The following MRC2 variants were observed in gnomAD, a reference collection of about 807,000 sequenced individuals.
MRC2 encodes the protein C-type mannose receptor 2.
Under a neutral mutation model 206.2 loss-of-function variants are expected in MRC2, and 84 were observed. The ratio of observed to expected loss-of-function variants is 0.41; its 90% CI spans 0.34 to 0.49. MRC2 has a LOEUF of 0.49. Ranked by LOEUF, MRC2 falls within the 20% of genes least tolerant of loss-of-function variation. The pLI is 0.31. For missense variants in MRC2, 1,676 were observed against 2,001.5 expected, an observed-to-expected ratio of 0.84 and a Z score of 3.10; for synonymous variants, 798 against 800.0, an observed-to-expected ratio of 1.00 and a Z score of 0.04.
intron 1 of MRC2, among the ~76,000 whole-genome samples, chr17:62,657,437 A>G (rs1453632224): frequency 6.6e-6 from 1 of 152,208 alleles, no homozygotes; most frequent in Non-Finnish European, 1.5e-5. Context: ...CCATTTACTC[A>G]GTAAGAACAT....
chr17:62,678,046 T>C (rs2088916398), intron 12 of MRC2, among the ~76,000 whole-genome samples: 1 of 152,076 alleles, frequency 6.6e-6, no homozygotes, highest in Admixed American at 6.6e-5. Context: ...CGAGACTCCG[T>C]CTCAAAAATA....
chr17:62,679,442 C>T (rs1004998836), intron 13 of MRC2: 2 of 176,822 alleles, frequency 1.1e-5, no homozygotes, highest in Admixed American at 5.4e-5. Context: ...TTATTTAACT[C>T]CAGAGCCGTA....
chr17:62,646,371 G>T (rs1179833780), intron 1 of MRC2, among the ~76,000 whole-genome samples: 1 of 151,940 alleles, frequency 6.6e-6, no homozygotes, highest in African/African-American at 2.4e-5. Flanking sequence ...TGTTGCCCAG[G>T]CTGGTCTTGA....
chr17:62,679,717 C>G, intron 13 of MRC2, 83 bp from the exon 14 acceptor site: 1 of 1,355,018 alleles, frequency 7.4e-7, no homozygotes, highest in Non-Finnish European at 1.0e-6. Flanking sequence ...CCGGTCACAG[C>G]TGCAAGGGAC....
At position 62,667,245 on chromosome 17, in the gene MRC2, CG is replaced by C; in HGVS notation, c.974-143del. 1 of 1,075,324 alleles carries C rather than the reference CG, an allele frequency of 9.3e-7. No individual in the cohort carries two copies. Among genetic ancestry groups the C allele is most frequent in the Non-Finnish European group, 1.3e-6 (1 of 770,974 alleles). The allele number at this position is 1,075,324 out of a possible 1,614,324, so 66.6% of individuals were successfully genotyped here. ...GCGCGGAGGACCCCGTGGTCTGGGG[CG>C]GAGCTGGAGCTGAGCACCAGGCTTC... is the stretch of plus-strand genomic sequence containing the variant. On this transcript the variant is annotated intron_variant, in intron 5 of 29. Transcript: ENST00000303375. This position sits in a 1 kb window ranked among gnomAD's most constrained non-coding sequence, Gnocchi z 4.1.
Position 62,664,023 on chromosome 17 carries a change from G to A in MRC2, c.119-525G>A, listed in dbSNP as rs1414392347. 6.7e-6 allele frequency among the ~76,000 whole-genome samples: 1 copy of A among 148,984 alleles called. No individual in the cohort carries two copies. Among genetic ancestry groups the A allele is most frequent in the Non-Finnish European group, 1.5e-5 (1 of 67,242 alleles). On this transcript the variant is annotated intron_variant, in intron 1 of 29. Coordinates refer to ENST00000303375, the MANE Select transcript of MRC2 (RefSeq NM_006039.5). This position sits in a 1 kb window ranked among gnomAD's most constrained non-coding sequence, Gnocchi z 4.7. ...CGCCCAGGCTGGAGTGCAGTGGCGG[G>A]ATCTCGGCTCACTGCAAGCTCCGCC... is the stretch of plus-strand genomic sequence containing the variant.
Position 62,631,225 on chromosome 17 carries a change from C to A in MRC2, c.118+3305C>A, listed in dbSNP as rs115211446. 3.1e-3 allele frequency among the ~76,000 whole-genome samples: 470 copies of A among 152,226 alleles called. 4 individuals carry two copies. Among genetic ancestry groups the A allele is most frequent in the African/African-American group, 0.011 (441 of 41,532 alleles). ...GAGGAGTCCTGTTGCACTGTCCATACCCCCAGAGGGATGGAGCGATGGCAC... is the reference window on the plus strand; with the variant it reads ...GAGGAGTCCTGTTGCACTGTCCATAACCCCAGAGGGATGGAGCGATGGCAC... On this transcript the variant is annotated intron_variant, in intron 1 of 29. Coordinates refer to ENST00000303375, the MANE Select transcript of MRC2 (RefSeq NM_006039.5).
intron 1 of MRC2, among the ~76,000 whole-genome samples, chr17:62,637,660 CT>C (rs977845974): frequency 1.3e-5 from 2 of 152,112 alleles, no homozygotes; most frequent in African/African-American, 4.8e-5. Flanking sequence ...TCTGCTCAGG[CT>C]TTTTTTCCCT....
chr17:62,677,826 T>C (rs1598991221), intron 12 of MRC2, among the ~76,000 whole-genome samples: 1 of 151,952 alleles, frequency 6.6e-6, no homozygotes, highest in Non-Finnish European at 1.5e-5. Context: ...TCAAGGCGGG[T>C]GGATCACGAG....
intron 1 of MRC2, 98 bp downstream of exon 1, chr17:62,628,018 T>A: frequency 1.3e-6 from 1 of 788,146 alleles, no homozygotes; most frequent in Non-Finnish European, 1.8e-6. Flanking sequence ...CCCCCTCTTT[T>A]CTCCAGAAGC....
intron 12 of MRC2, 66 bp downstream of exon 12, chr17:62,677,552 G>T: frequency 1.4e-6 from 2 of 1,417,126 alleles, no homozygotes; most frequent in Non-Finnish European, 1.9e-6. Context: ...AGTTTGGATG[G>T]AGGTCCCAGT....
chr17:62,652,972 CTGGGAG>C lies in MRC2; in HGVS notation c.119-11575_119-11570del, dbSNP rs1253760806. Among the ~76,000 whole-genome samples the C allele has an allele frequency of 2.4e-4, 36 of 152,118 alleles. No homozygotes were observed. Among genetic ancestry groups the C allele is most frequent in the African/African-American group, 7.2e-4 (30 of 41,506 alleles). Reference sequence around the variant, plus strand: ...CTCGGAACTCCAAGAGCAGGTGGATCTGGGAGCCCCAGATCCTGGGCACTGGGTTGG... The same window carrying C: ...CTCGGAACTCCAAGAGCAGGTGGATCCCCCAGATCCTGGGCACTGGGTTGG... On this transcript the variant is annotated intron_variant, in intron 1 of 29. Coordinates refer to ENST00000303375, the MANE Select transcript of MRC2 (RefSeq NM_006039.5). This position sits in a 1 kb window ranked among gnomAD's most constrained non-coding sequence, Gnocchi z 4.6.
intron 2 of MRC2, among the ~76,000 whole-genome samples, 154 bp from the exon 3 acceptor site, chr17:62,665,940 A>G (rs1209588453): frequency 6.6e-6 from 1 of 152,178 alleles, no homozygotes; most frequent in African/African-American, 2.4e-5. Context: ...AAGAAGCCTT[A>G]AAGCCACTAT....
In MRC2 at chr17:62,666,414, CCCTGGAGGGGG is replaced by C. The variant is rs1462398179; in HGVS notation, c.695-36_695-26del. Reference sequence around the variant, plus strand: ...GGGGAGGGTCTGCACTCCCGAGGGACCCTGGAGGGGGCCTGAAGGAGAGGGCTGTCGTGGTG... The same window carrying C: ...GGGGAGGGTCTGCACTCCCGAGGGACCCTGAAGGAGAGGGCTGTCGTGGTG... On this transcript the variant is annotated intron_variant, in intron 3 of 29. Transcript: ENST00000303375. The surrounding 1 kb of genome is among the most constrained non-coding windows in gnomAD (Gnocchi z 5.0). 9.3e-6 allele frequency: 15 copies of C among 1,612,670 alleles called. No individual in the cohort carries two copies. The highest frequency in any genetic ancestry group is 1.7e-4 in the Middle Eastern group (1 of 5,840).
At chr17:62,660,674 C>T (rs2088669336) in intron 1 of MRC2, among the ~76,000 whole-genome samples, 1 of 152,148 alleles carries the variant, frequency 6.6e-6, no homozygotes, top group African/African-American at 2.4e-5. Context: ...CAAGGTAATC[C>T]ACTGGTAATT....
chr17:62,680,611 T>C lies in MRC2; in HGVS notation c.2473+158T>C. ...TCGGACGGAGGCAGCCACAGCCCTGTTTGCTTCCGTGTGGGAGGCGAGGCA... is the reference window on the plus strand; with the variant it reads ...TCGGACGGAGGCAGCCACAGCCCTGCTTGCTTCCGTGTGGGAGGCGAGGCA... On this transcript the variant is annotated intron_variant, in intron 16 of 29. Transcript: ENST00000303375. The surrounding 1 kb of genome is among the most constrained non-coding windows in gnomAD (Gnocchi z 4.8). 7.8e-7 allele frequency: 1 copy of C among 1,283,188 alleles called. No homozygotes were observed. The highest frequency in any genetic ancestry group is 1.1e-6 in the Non-Finnish European group (1 of 939,952). The allele number at this position is 1,283,188 out of a possible 1,614,324, so 79.5% of individuals were successfully genotyped here. A position where few individuals can be genotyped will look rare whatever the true frequency, so the allele number is the denominator to read the frequency against.
At chr17:62,679,656 A>C in intron 13 of MRC2, 144 bp from the exon 14 acceptor site, 2 of 660,132 alleles carry the variant, frequency 3.0e-6, no homozygotes, top group South Asian at 1.9e-5. Context: ...CGCTGTATCG[A>C]TGGGTCAATG....
chr17:62,665,202 C>T (rs2088735110), intron 2 of MRC2, among the ~76,000 whole-genome samples: 1 of 152,104 alleles, frequency 6.6e-6, no homozygotes, highest in South Asian at 2.1e-4. Context: ...GAGTTCAAGA[C>T]CAGCCTGGCC....
rs1369286415 is a variant in MRC2, at chr17:62,666,498, C to T, written c.738C>T (p.Asp246=). The T allele has an allele frequency of 9.3e-6, 15 of 1,613,904 alleles. No individual in the cohort carries two copies. Among genetic ancestry groups the T allele is most frequent in the African/African-American group, 1.3e-5 (1 of 74,932 alleles). Residue 246 remains aspartate (D), a synonymous_variant, in exon 4 of 30, where the codon GAC becomes GAT. Coordinates refer to ENST00000303375, the MANE Select transcript of MRC2 (RefSeq NM_006039.5). This position sits in a 1 kb window ranked among gnomAD's most constrained non-coding sequence, Gnocchi z 5.0. ...TCTGGGACAAGGACCAGCTGACTGACAGCTGCTACCAGTTTAACTTCCAGT... is the reference window on the plus strand; with the variant it reads ...TCTGGGACAAGGACCAGCTGACTGATAGCTGCTACCAGTTTAACTTCCAGT... ...ETFWDKDQLT[D]SCYQFNFQST...
Sources: gnomAD v4.1 joint callset for allele counts (sites outside exome capture counted in the v4.1 genomes callset) on GRCh38, gnomAD v4.1.1 for gene constraint, Gnocchi (gnomAD v3.1) non-coding constraint, MANE v1.5 for transcripts, NCBI Gene and HGNC (gene_info 2026-07-23, HGNC 2026-07-21) for gene names.